PSMD3: variants seen among roughly 807,000 people sequenced by gnomAD.
The protein encoded by PSMD3 is proteasome 26S subunit, non-ATPase 3, also known as 26S proteasome non-ATPase regulatory subunit 3.
PSMD3 carries 5 observed loss-of-function variants against 62.8 expected under a neutral mutation model. The ratio of observed to expected loss-of-function variants is 0.08; its 90% confidence interval spans 0.04 to 0.17. The LOEUF (loss-of-function observed/expected upper bound fraction) is 0.17. PSMD3 is among the 10% of genes least tolerant of loss of function. PSMD3 has a pLI of 1.00. For synonymous variants in PSMD3, 265 were observed against 283.9 expected (o/e 0.93, Z 0.67); for missense variants, 524 against 713.6 (o/e 0.73, Z 3.03).
chr17:39,997,600 G>T lies in PSMD3; in HGVS notation c.*19G>T. ...CCCTTGAGCTGGGGGGCTGGGGAGG[G>T]GTAGGGGGAATGGGGACAGGCTCTT... On this transcript the variant is annotated 3_prime_UTR_variant, in exon 12 of 12. Coordinates refer to ENST00000264639, the MANE Select transcript of PSMD3 (RefSeq NM_002809.4). 6.2e-7 allele frequency: 1 copy of T among 1,606,200 alleles called. No homozygotes were observed. The highest frequency in any genetic ancestry group is 8.5e-7 in the Non-Finnish European group (1 of 1,173,832).
Position 39,989,795 on chromosome 17 carries a change from C to T in PSMD3, c.743C>T (p.Ala248Val). ...ATLRHDADGQ[A>V]TLLNLLLRNY... ...CTTCGGCATGACGCAGACGGGCAGG[C>T]CACCCTGTTGAACCTCCTGCTGCGG... Residue 248 changes from alanine (A) to valine (V), a missense_variant, in exon 5 of 12, where the codon GCC (alanine) becomes GTC (valine). This residue lies in a region of PSMD3 where 396 missense variants were observed against 475.8 expected (regional missense o/e 0.83). Coordinates refer to ENST00000264639, the MANE Select transcript of PSMD3 (RefSeq NM_002809.4). 6.2e-7 allele frequency: 1 copy of T among 1,614,164 alleles called. No individual in the cohort carries two copies. The highest frequency in any genetic ancestry group is 8.5e-7 in the Non-Finnish European group (1 of 1,180,044).
intron 6 of PSMD3, chr17:39,992,891 T>C (rs1980693669): frequency 6.6e-6 from 1 of 152,532 alleles, no homozygotes; most frequent in Non-Finnish European, 1.5e-5. Context: ...CTCTGAGAGC[T>C]TCTCTGTCGA....
rs1303466569 is a variant in PSMD3, at chr17:39,995,097, C to CA, written c.1096+30dup. ...AGGCTGGCTTCCCCACCCCAGAGCC[C>CA]ACTAGGCCCCCTTCAGTGGGGCCTC... is the stretch of plus-strand genomic sequence containing the variant. On this transcript the variant is annotated intron_variant, in intron 7 of 11. Transcript: ENST00000264639. This position sits in a 1 kb window ranked among gnomAD's most constrained non-coding sequence, Gnocchi z 4.1. The CA allele has an allele frequency of 6.2e-7, 1 of 1,613,874 alleles. No individual in the cohort carries two copies. Among genetic ancestry groups the CA allele is most frequent in the South Asian group, 1.1e-5 (1 of 91,078 alleles).
In PSMD3 at chr17:39,989,945, C is replaced by T. The variant is rs572802866; in HGVS notation, c.877+16C>T. 3.0e-5 allele frequency: 48 copies of T among 1,604,948 alleles called. No homozygotes were observed. The East Asian group carries it at 9.0e-4, about 30-fold the overall frequency. On this transcript the variant is annotated intron_variant, in intron 5 of 11. Transcript: ENST00000264639. Reference sequence around the variant, plus strand: ...TACTACACAGGTGAGCAGAGGGGCCCAACCCATAAATCAGAAGGTGTCTCA... The same window carrying T: ...TACTACACAGGTGAGCAGAGGGGCCTAACCCATAAATCAGAAGGTGTCTCA...
Position 39,996,870 on chromosome 17 carries a change from C to A in PSMD3, c.1477-460C>A. On this transcript the variant is annotated intron_variant, in intron 10 of 11. Transcript: ENST00000264639. This position sits in a 1 kb window ranked among gnomAD's most constrained non-coding sequence, Gnocchi z 5.1. ...TTGCCATGTTTTTTTCTGGTCTCCT[C>A]CGAGGAAACTAGGATATTGCTGCCT... is the stretch of plus-strand genomic sequence containing the variant. The A allele has an allele frequency of 2.3e-6, 1 of 442,054 alleles. No homozygotes were observed. Among genetic ancestry groups the A allele is most frequent in the Non-Finnish European group, 4.5e-6 (1 of 222,102 alleles). The allele number at this position is 442,054 out of a possible 1,614,324, so 27.4% of individuals were successfully genotyped here.
chr17:39,988,548 A>G, intron 3 of PSMD3, 135 bp from the exon 4 acceptor site: 2 of 1,032,636 alleles, frequency 1.9e-6, no homozygotes, highest in Non-Finnish European at 2.8e-6. Context: ...ATTCGTGTAC[A>G]TGCTTTTATG....
rs557832113 is a variant in PSMD3 at position 39,995,093 on chromosome 17, A to G, written c.1096+25A>G. On this transcript the variant is annotated intron_variant, in intron 7 of 11. Coordinates refer to ENST00000264639, the MANE Select transcript of PSMD3 (RefSeq NM_002809.4). The surrounding 1 kb of genome is among the most constrained non-coding windows in gnomAD (Gnocchi z 4.1). ...GGTAAGGCTGGCTTCCCCACCCCAGAGCCCACTAGGCCCCCTTCAGTGGGG... is the reference window on the plus strand; with the variant it reads ...GGTAAGGCTGGCTTCCCCACCCCAGGGCCCACTAGGCCCCCTTCAGTGGGG... 5.6e-6 allele frequency: 9 copies of G among 1,613,418 alleles called. 1 individual carries two copies. Among genetic ancestry groups the G allele is most frequent in the Middle Eastern group, 1.6e-4 (1 of 6,062 alleles).
At chr17:39,993,854 G>A (rs1269533639) in intron 6 of PSMD3, 1 of 152,140 alleles carries the variant, frequency 6.6e-6, no homozygotes, top group African/African-American at 2.4e-5. Flanking sequence ...TTAGAGATGA[G>A]GAACTAAGGA....
In PSMD3 at chr17:39,995,198, C is replaced by T; in HGVS notation, c.1119C>T (p.Ala373=). ...LTQAVRTGNL[A]KFNQVLDQFG... is the part of the protein sequence containing the mutation. ...CAGCTGTCAGGACAGGAAACCTAGC[C>T]AAGTTCAACCAGGTCCTGGATCAGT... The change falls in exon 8 of 12, where the codon GCC becomes GCT. Residue 373 remains alanine, a synonymous_variant. Transcript: ENST00000264639. This position sits in a 1 kb window ranked among gnomAD's most constrained non-coding sequence, Gnocchi z 4.1. The T allele has an allele frequency of 6.2e-7, 1 of 1,614,126 alleles. No individual in the cohort carries two copies. Among genetic ancestry groups the T allele is most frequent in the Non-Finnish European group, 8.5e-7 (1 of 1,180,026 alleles).
At chr17:39,990,333 G>T in intron 6 of PSMD3, 136 bp downstream of exon 6, 1 of 742,340 alleles carries the variant, frequency 1.3e-6, no homozygotes, top group Non-Finnish European at 2.2e-6. Flanking sequence ...AAAGTGCTGG[G>T]ATCACAGGTA....
rs781503946 is a variant in PSMD3, at chr17:39,994,956, G to A, written c.984G>A (p.Val328=). 58 of 1,613,920 alleles carry A rather than the reference G, an allele frequency of 3.6e-5. No individual in the cohort carries two copies. The highest frequency in any genetic ancestry group is 3.5e-4 in the South Asian group (32 of 91,090). ...TGTTCCCCTGTCACTCTGTCCAGGT[G>A]CACAAGCTTCTCATCGTGGTGGAGC... ...QHTAVGFKQT[V]HKLLIVVELL... The change falls in exon 7 of 12, where the codon GTG becomes GTA. Residue 328 remains valine (V), a splice_region_variant and synonymous_variant. Coordinates refer to ENST00000264639, the MANE Select transcript of PSMD3 (RefSeq NM_002809.4).
rs373677696 is a variant in PSMD3, at chr17:39,995,406, C to G, written c.1217-18C>G. The G allele has an allele frequency of 6.2e-7, 1 of 1,612,526 alleles. No individual in the cohort carries two copies. The highest frequency in any genetic ancestry group is 8.5e-7 in the Non-Finnish European group (1 of 1,178,600). On this transcript the variant is annotated intron_variant, in intron 8 of 11. Coordinates refer to ENST00000264639, the MANE Select transcript of PSMD3 (RefSeq NM_002809.4). This position sits in a 1 kb window ranked among gnomAD's most constrained non-coding sequence, Gnocchi z 4.1. ...TCTGTGTCCACTCTGCCCACCCCAT[C>G]GCTCCTTCCTCTCCCAGGTGTACGC...
intron 6 of PSMD3, among the ~76,000 whole-genome samples, chr17:39,992,263 G>A (rs1028861419): frequency 2.0e-5 from 3 of 152,200 alleles, no homozygotes; most frequent in Non-Finnish European, 2.9e-5. Flanking sequence ...GCAGGAAGGC[G>A]TAGAGAGCTG....
At position 39,992,024 on chromosome 17, in the gene PSMD3, C is replaced by CAAAAAAAAA. The variant is rs59894264; in HGVS notation, c.981+1828_981+1836dup. ...TGGGCGACAGAGCAAGACTCTGTCT[C>CAAAAAAAAA]AAAAAAAAACAAACATTAAAATTGA... On this transcript the variant is annotated intron_variant, in intron 6 of 11. Coordinates refer to ENST00000264639, the MANE Select transcript of PSMD3 (RefSeq NM_002809.4). 3.6e-4 allele frequency among the ~76,000 whole-genome samples: 37 copies of CAAAAAAAAA among 102,092 alleles called. 2 individuals are homozygous for CAAAAAAAAA. In the East Asian group the frequency reaches 9.5e-3, roughly 26 times the overall value. 67.0% of individuals were successfully genotyped at this position (102,092 alleles called of 152,430 possible).
intron 6 of PSMD3, among the ~76,000 whole-genome samples, chr17:39,991,664 TAGG>T (rs944014986): frequency 3.3e-5 from 5 of 152,132 alleles, no homozygotes; most frequent in African/African-American, 1.2e-4. Flanking sequence ...GTCAATGTAG[TAGG>T]AGATTCATTT....
At chr17:39,994,915 G>A (rs368892295) in intron 6 of PSMD3, 39 bp from the exon 7 acceptor site, 2 of 1,576,996 alleles carry the variant, frequency 1.3e-6, no homozygotes, top group South Asian at 2.2e-5. Flanking sequence ...CCGCCCATGG[G>A]GCTCCCTGCC....
chr17:39,990,041 G>C (rs1980617980), intron 5 of PSMD3, 53 bp from the exon 6 acceptor site: 2 of 1,596,666 alleles, frequency 1.3e-6, no homozygotes, highest in Non-Finnish European at 1.7e-6. Flanking sequence ...CTTGTCGGTG[G>C]GGAGTTGGAT....
At chr17:39,993,805 G>T (rs983806120) in intron 6 of PSMD3, 1 of 152,146 alleles carries the variant, frequency 6.6e-6, no homozygotes, top group Non-Finnish European at 1.5e-5. Flanking sequence ...GGTCTTGTGA[G>T]GTAGACAGGC....
intron 2 of PSMD3, among the ~76,000 whole-genome samples, chr17:39,984,959 G>A (rs991907221): frequency 6.6e-6 from 1 of 151,722 alleles, no homozygotes; most frequent in Non-Finnish European, 1.5e-5. Flanking sequence ...CAGCACTTTG[G>A]GAGGCTGAGG....
Sources: allele counts gnomAD v4.1 joint callset (sites outside exome capture counted in the v4.1 genomes callset), GRCh38; gene constraint gnomAD v4.1.1; regional missense constraint gnomAD v4.1.1; non-coding constraint Gnocchi (gnomAD v3.1); transcripts MANE v1.5; gene names NCBI Gene and HGNC (gene_info 2026-07-23, HGNC 2026-07-21).